AVEN: variants seen among roughly 807,000 people sequenced by gnomAD.
AVEN encodes the protein cell death regulator Aven.
AVEN carries 41 observed loss-of-function variants against 38.1 expected under a neutral mutation model. That is an observed-to-expected ratio of 1.08 (90% confidence interval 0.84 to 1.40). AVEN has a LOEUF of 1.40. Ranked by LOEUF, AVEN falls within the 40% of genes most tolerant of loss-of-function variation. AVEN has a pLI of 0.00. For missense variants in AVEN, 605 were observed against 438.8 expected (o/e 1.38, Z -3.38); for synonymous variants, 206 against 171.8 (o/e 1.20, Z -1.56).
intron 2 of AVEN, among the ~76,000 whole-genome samples, chr15:33,877,041 T>C (rs1891262476): frequency 6.6e-6 from 1 of 152,238 alleles, no homozygotes; most frequent in Non-Finnish European, 1.5e-5. Flanking sequence ...AATAAGTGGT[T>C]GTTCTCAGAG....
chr15:33,928,180 T>C (rs1893702653), intron 2 of AVEN, among the ~76,000 whole-genome samples: 1 of 152,194 alleles, frequency 6.6e-6, no homozygotes, highest in Non-Finnish European at 1.5e-5. Flanking sequence ...AATACTACTA[T>C]TAAAGAATGT....
chr15:33,880,032 T>A (rs1465505597), intron 2 of AVEN, among the ~76,000 whole-genome samples: 1 of 152,210 alleles, frequency 6.6e-6, no homozygotes, highest in African/African-American at 2.4e-5. Context: ...TAATAGCACC[T>A]GAAGGTAGAT....
chr15:34,058,119 G>A (rs1900219761), intron 5 of AVEN, among the ~76,000 whole-genome samples: 2 of 152,146 alleles, frequency 1.3e-5, no homozygotes, highest in Admixed American at 6.6e-5. Context: ...CGGCACCTCA[G>A]TCTTCCCTTA....
intron 1 of AVEN, among the ~76,000 whole-genome samples, chr15:34,032,023 G>GCACGCACA (rs1555518611): frequency 6.7e-6 from 1 of 148,944 alleles, no homozygotes; most frequent in African/African-American, 2.5e-5. Flanking sequence ...GCGCGCACAC[G>GCACGCACA]CACACACACA....
chr15:34,031,225 A>G (rs1472968934), intron 1 of AVEN, among the ~76,000 whole-genome samples: 1 of 117,288 alleles, frequency 8.5e-6, no homozygotes, highest in African/African-American at 3.4e-5. Flanking sequence ...CCCAGGCTGG[A>G]ATGCAATGGC....
At position 33,866,701 on chromosome 15, in the gene AVEN, T is replaced by A. The variant is rs186410242; in HGVS notation, c.1001A>T (p.Glu334Val). The A allele has an allele frequency of 2.0e-5, 33 of 1,614,102 alleles. No individual in the cohort carries two copies. The Middle Eastern group carries it at 2.5e-3, about 121-fold the overall frequency. ...EVCAKPSVTE[E>V]KNMEPEQPST... is the part of the protein sequence containing the mutation. Reference sequence around the variant, plus strand: ...TGGTTGCTCAGGTTCCATGTTTTTTTCTTCAGTCACAGATGGTTTTGCACA... The same window carrying A: ...TGGTTGCTCAGGTTCCATGTTTTTTACTTCAGTCACAGATGGTTTTGCACA... Residue 334 changes from glutamate (E) to valine (V), a missense_variant, in exon 6 of 6, where the codon GAA (glutamate) becomes GTA (valine). Glu to Val is a moderately radical substitution (Grantham distance 121, BLOSUM62 -2). Coordinates refer to ENST00000306730, the MANE Select transcript of AVEN (RefSeq NM_020371.3).
chr15:33,961,315 T>C (rs1895151904), intron 2 of AVEN, among the ~76,000 whole-genome samples: 1 of 152,058 alleles, frequency 6.6e-6, no homozygotes, highest in Non-Finnish European at 1.5e-5. Flanking sequence ...AGCCATAAAA[T>C]ATATTTCATT....
At chr15:34,062,125 A>G (rs996068137) in intron 5 of AVEN, among the ~76,000 whole-genome samples, 2 of 152,144 alleles carry the variant, frequency 1.3e-5, no homozygotes, top group Admixed American at 6.5e-5. Flanking sequence ...CAGCAGCCTC[A>G]TGCATAAGAA....
chr15:33,853,018 A>C, the AVEN span: 1 of 1,593,796 alleles, frequency 6.3e-7, no homozygotes, highest in Non-Finnish European at 8.6e-7. Context: ...AGAATGAAGA[A>C]CCAACCTTTT....
At chr15:34,034,254 G>A (rs1220731319) in intron 1 of AVEN, among the ~76,000 whole-genome samples, 1 of 152,060 alleles carries the variant, frequency 6.6e-6, no homozygotes, top group Non-Finnish European at 1.5e-5. Flanking sequence ...ACCAGCCTGG[G>A]CAAGACAGTG....
chr15:33,866,876 T>C (rs1302810673), intron 5 of AVEN, 148 bp from the exon 6 acceptor site: 7 of 618,030 alleles, frequency 1.1e-5, no homozygotes, highest in African/African-American at 3.7e-5. Context: ...TCTAAACAAA[T>C]AAAGCTGGGT....
intron 2 of AVEN, among the ~76,000 whole-genome samples, chr15:33,973,054 G>T (rs1194226387): frequency 1.3e-5 from 2 of 152,170 alleles, no homozygotes; most frequent in African/African-American, 4.8e-5. Flanking sequence ...GTTGTTTAAA[G>T]ATCTGACATT....
chr15:33,980,103 T>C (rs533352109), intron 2 of AVEN, among the ~76,000 whole-genome samples: 3 of 152,362 alleles, frequency 2.0e-5, no homozygotes, highest in South Asian at 2.1e-4. Context: ...CATTATCTCA[T>C]AGTAAACTAG....
At chr15:33,923,491 A>G (rs1893484270) in intron 2 of AVEN, among the ~76,000 whole-genome samples, 1 of 152,246 alleles carries the variant, frequency 6.6e-6, no homozygotes, top group Non-Finnish European at 1.5e-5. Flanking sequence ...CTTTCAGTAA[A>G]TAGTTAAATA....
At chr15:34,003,781 T>C (rs1360460040) in intron 1 of AVEN, among the ~76,000 whole-genome samples, 1 of 152,228 alleles carries the variant, frequency 6.6e-6, no homozygotes, top group Non-Finnish European at 1.5e-5. Context: ...TAAGATTCCA[T>C]ACTCTAGAAT....
At chr15:33,857,815 T>G (rs758013658), downstream of AVEN, 8 of 1,614,198 alleles carry the variant, frequency 5.0e-6, no homozygotes, top group Non-Finnish European at 6.8e-6. Flanking sequence ...CCGTGGTGGT[T>G]TATCTCTATA....
chr15:33,868,167 G>A (rs911260904), intron 4 of AVEN, among the ~76,000 whole-genome samples: 1 of 152,306 alleles, frequency 6.6e-6, no homozygotes, highest in East Asian at 1.9e-4. Flanking sequence ...AAAACTGCCA[G>A]TACCATAGGT....
downstream of AVEN, chr15:33,864,233 C>T (rs1259289377): frequency 4.7e-6 from 7 of 1,499,722 alleles, no homozygotes; most frequent in Admixed American, 5.5e-5. Flanking sequence ...TCTCCCTTTC[C>T]TAAATCTTGA....
the AVEN span, chr15:33,853,471 C>T: frequency 6.6e-7 from 1 of 1,504,302 alleles, no homozygotes; most frequent in Admixed American, 2.0e-5. Flanking sequence ...GCCCATAGGG[C>T]AGCAAAGCTC....
Sources: gnomAD v4.1 joint callset for allele counts (sites outside exome capture counted in the v4.1 genomes callset) on GRCh38, gnomAD v4.1.1 for gene constraint, MANE v1.5 for transcripts, NCBI Gene and HGNC (gene_info 2026-07-23, HGNC 2026-07-21) for gene names.